SMOC1: variants seen among roughly 807,000 people sequenced by gnomAD.
SMOC1 encodes the protein SPARC related modular calcium binding 1.
SMOC1 carries 22 observed loss-of-function variants against 56.3 expected under a neutral mutation model. The ratio of observed to expected loss-of-function variants is 0.39; its 90% CI spans 0.28 to 0.56. The LOEUF (loss-of-function observed/expected upper bound fraction) is 0.56, where lower values mean the gene tolerates loss of function less well. SMOC1 is among the 20% of genes least tolerant of loss of function. SMOC1 has a pLI of 0.61. For missense variants in SMOC1, 509 were observed against 565.4 expected, an observed-to-expected ratio of 0.90 and a Z score of 1.01; for synonymous variants, 193 against 215.0, an observed-to-expected ratio of 0.90 and a Z score of 0.89.
intron 1 of SMOC1, among the ~76,000 whole-genome samples, chr14:69,915,886 C>G (rs942051760): frequency 2.0e-5 from 3 of 152,216 alleles, no homozygotes; most frequent in Admixed American, 6.5e-5. Flanking sequence ...CTCTCTCACC[C>G]ATAAATGGTA....
At position 70,023,240 on chromosome 14, in the gene SMOC1, C is replaced by T. The variant is rs140885357; in HGVS notation, c.1084C>T (p.Arg362Trp). The T allele has an allele frequency of 1.7e-5, 28 of 1,613,958 alleles. No homozygotes were observed. Among genetic ancestry groups the T allele is most frequent in the East Asian group, 2.2e-5 (1 of 44,894 alleles). ...EPDPSHTLEE[R>W]VVHWYFSQLD... Reference sequence around the variant, plus strand: ...AGACCCCAGCCACACCCTGGAGGAGCGGGTAGTGCACTGGTATTTCAGCCA... The same window carrying T: ...AGACCCCAGCCACACCCTGGAGGAGTGGGTAGTGCACTGGTATTTCAGCCA... Residue 362 changes from arginine to tryptophan, a missense_variant, in exon 11 of 12, where the codon CGG becomes TGG. Transcript: ENST00000361956.
At chr14:69,995,716 C>T (rs1333447094) in intron 7 of SMOC1, among the ~76,000 whole-genome samples, 1 of 152,174 alleles carries the variant, frequency 6.6e-6, no homozygotes, top group Non-Finnish European at 1.5e-5. Context: ...CTATATGGCA[C>T]TCAACTGATG....
chr14:69,917,224 C>A (rs1320673276), intron 1 of SMOC1, among the ~76,000 whole-genome samples: 2 of 152,162 alleles, frequency 1.3e-5, no homozygotes. Context: ...TTCAGTTAAA[C>A]AGGGCTGGAA....
chr14:69,933,078 C>T (rs576964099), intron 1 of SMOC1, among the ~76,000 whole-genome samples: 14 of 152,046 alleles, frequency 9.2e-5, no homozygotes, highest in East Asian at 1.9e-4. Flanking sequence ...AAAGTTTAAA[C>T]GGATCGATTC....
intron 3 of SMOC1, among the ~76,000 whole-genome samples, chr14:69,960,743 C>A (rs943722631): frequency 6.6e-6 from 1 of 152,086 alleles, no homozygotes; most frequent in Admixed American, 6.6e-5. Context: ...TACAAAATGT[C>A]TTCTATTTAG....
chr14:69,883,999 C>T (rs1351076486), intron 1 of SMOC1, among the ~76,000 whole-genome samples: 10 of 148,056 alleles, frequency 6.8e-5, no homozygotes, highest in Admixed American at 2.0e-4. Flanking sequence ...CTCCGCTTCC[C>T]GGGTTCACGC....
intron 10 of SMOC1, among the ~76,000 whole-genome samples, chr14:70,014,533 G>A (rs1415986630): frequency 6.6e-6 from 1 of 152,220 alleles, no homozygotes; most frequent in Non-Finnish European, 1.5e-5. Flanking sequence ...GGAGGAGGAA[G>A]CAGAGGAGGT....
chr14:70,013,754 G>A (rs1885415238), intron 10 of SMOC1, among the ~76,000 whole-genome samples: 1 of 152,186 alleles, frequency 6.6e-6, no homozygotes, highest in Admixed American at 6.5e-5. Context: ...GGCTGTCTGG[G>A]ACTTCCAGCT....
chr14:70,027,423 G>T (rs538642234), intron 11 of SMOC1, among the ~76,000 whole-genome samples: 1 of 152,238 alleles, frequency 6.6e-6, no homozygotes, highest in East Asian at 1.9e-4. Context: ...CAGCCTGGGG[G>T]CAGCGTGGGC....
chr14:69,895,281 C>T (rs964184130), intron 1 of SMOC1, among the ~76,000 whole-genome samples: 2 of 152,166 alleles, frequency 1.3e-5, no homozygotes, highest in Admixed American at 6.5e-5. Context: ...TTCTGGTTTC[C>T]GCCAGTGTCG....
At chr14:69,898,474 T>C (rs2096757224) in intron 1 of SMOC1, among the ~76,000 whole-genome samples, 1 of 152,106 alleles carries the variant, frequency 6.6e-6, no homozygotes, top group Non-Finnish European at 1.5e-5. Flanking sequence ...GTTTTTTTTT[T>C]CCAGTCTTTT....
At chr14:70,030,057 C>CA (rs1886082539) in intron 11 of SMOC1, among the ~76,000 whole-genome samples, 185 bp from the exon 12 acceptor site, 1 of 152,168 alleles carries the variant, frequency 6.6e-6, no homozygotes, top group African/African-American at 2.4e-5. Context: ...AAAACATGCT[C>CA]ATCTGCAAGT....
chr14:69,992,680 C>T (rs1298165985), intron 6 of SMOC1, among the ~76,000 whole-genome samples: 1 of 152,240 alleles, frequency 6.6e-6, no homozygotes, highest in East Asian at 1.9e-4. Context: ...TCTGGAAGGG[C>T]CCTCTGTTCT....
At chr14:69,998,699 A>C (rs1409011692) in intron 7 of SMOC1, among the ~76,000 whole-genome samples, 1 of 152,146 alleles carries the variant, frequency 6.6e-6, no homozygotes, top group Non-Finnish European at 1.5e-5. Flanking sequence ...CTCTCAGGAA[A>C]TATCTTCATG....
intron 10 of SMOC1, among the ~76,000 whole-genome samples, chr14:70,021,576 G>A (rs1295892473): frequency 6.6e-6 from 1 of 152,172 alleles, no homozygotes; most frequent in African/African-American, 2.4e-5. Context: ...AGTTAAACCT[G>A]TCACGATGAG....
At chr14:69,930,233 CACCT>C (rs1885130897) in intron 1 of SMOC1, among the ~76,000 whole-genome samples, 1 of 152,110 alleles carries the variant, frequency 6.6e-6, no homozygotes, top group African/African-American at 2.4e-5. Context: ...GCACCCTTCC[CACCT>C]CTGCACCTCT....
chr14:69,982,054 T>G (rs1194957032), intron 5 of SMOC1, among the ~76,000 whole-genome samples: 5 of 152,208 alleles, frequency 3.3e-5, no homozygotes, highest in Admixed American at 3.3e-4. Flanking sequence ...AGCTTTTGAC[T>G]TCTGAGTGCC....
At chr14:69,961,366 T>C (rs2139464033) in intron 3 of SMOC1, among the ~76,000 whole-genome samples, 1 of 147,424 alleles carries the variant, frequency 6.8e-6, no homozygotes. Flanking sequence ...TTGGGTTGTT[T>C]CTATTTTTTA....
chr14:69,885,445 CTCATCGTATCTG>C, intron 1 of SMOC1: 2 of 1,601,272 alleles, frequency 1.2e-6, no homozygotes, highest in East Asian at 4.5e-5. Context: ...GACGGCGGAT[CTCATCGTATCTG>C]TCATTGTAAT....
Sources: gnomAD v4.1 joint callset for allele counts (sites outside exome capture counted in the v4.1 genomes callset) on GRCh38, gnomAD v4.1.1 for gene constraint, MANE v1.5 for transcripts, NCBI Gene and HGNC (gene_info 2026-07-23, HGNC 2026-07-21) for gene names.